NDUFAF2: variants seen among roughly 807,000 people sequenced by gnomAD.
NDUFAF2 encodes the protein NADH:ubiquinone oxidoreductase complex assembly factor 2, also known as NADH dehydrogenase [ubiquinone] 1 alpha subcomplex assembly factor 2.
In NDUFAF2, 13 loss-of-function variants were observed where a neutral mutation model predicts 22.8. The ratio of observed to expected loss-of-function variants is 0.57; its 90% CI spans 0.37 to 0.91. NDUFAF2 has a LOEUF of 0.91. Ranked by LOEUF, NDUFAF2 falls within the 40% of genes least tolerant of loss-of-function variation. The pLI is 0.01. For missense variants in NDUFAF2, 162 were observed against 195.2 expected, an observed-to-expected ratio of 0.83 and a Z score of 1.01; for synonymous variants, 53 against 64.2, an observed-to-expected ratio of 0.83 and a Z score of 0.84.
chr5:61,035,573 G>T (rs1470296251), intron 1 of NDUFAF2, among the ~76,000 whole-genome samples: 1 of 151,212 alleles, frequency 6.6e-6, no homozygotes, highest in East Asian at 2.0e-4. Context: ...TTTATACCTT[G>T]TTCTTTAAAC....
At chr5:60,963,049 C>G (rs547274944) in intron 1 of NDUFAF2, among the ~76,000 whole-genome samples, 1 of 151,678 alleles carries the variant, frequency 6.6e-6, no homozygotes, top group Non-Finnish European at 1.5e-5. Flanking sequence ...CCATGCCTGG[C>G]TAATTTTTGT....
intron 3 of NDUFAF2, among the ~76,000 whole-genome samples, chr5:61,151,254 TATC>T: frequency 6.6e-6 from 1 of 152,226 alleles, no homozygotes. Flanking sequence ...AGAAAGGTGA[TATC>T]ATACATTTAG....
At chr5:61,091,088 T>C (rs1161863719) in intron 2 of NDUFAF2, among the ~76,000 whole-genome samples, 2 of 152,236 alleles carry the variant, frequency 1.3e-5, no homozygotes, top group African/African-American at 4.8e-5. Context: ...AGTGTATCGC[T>C]GATGAACATT....
At chr5:61,129,311 T>C (rs1029701741) in intron 3 of NDUFAF2, among the ~76,000 whole-genome samples, 13 of 152,292 alleles carry the variant, frequency 8.5e-5, no homozygotes, top group Admixed American at 7.8e-4. Context: ...CAAAGAATTA[T>C]AAATCATGCT....
chr5:61,020,993 CT>C (rs35877702), intron 1 of NDUFAF2, among the ~76,000 whole-genome samples: 38,531 of 116,518 alleles, frequency 0.33, 5,187 homozygotes, highest in South Asian at 0.44. Context: ...TGCGTCCAGC[CT>C]TTTTTTTTTT....
intron 3 of NDUFAF2, chr5:61,115,330 G>A (rs1369775266): frequency 6.6e-6 from 1 of 152,374 alleles, no homozygotes; most frequent in African/African-American, 2.4e-5. Flanking sequence ...TTCTGGCCCA[G>A]GGCAGGTCCA....
At chr5:60,967,263 T>C (rs1750769559) in intron 1 of NDUFAF2, among the ~76,000 whole-genome samples, 1 of 152,016 alleles carries the variant, frequency 6.6e-6, no homozygotes, top group Admixed American at 6.6e-5. Flanking sequence ...TTTTTAAGAA[T>C]ATAACATCTT....
chr5:60,958,479 T>C (rs754304517), intron 1 of NDUFAF2, among the ~76,000 whole-genome samples: 17 of 152,218 alleles, frequency 1.1e-4, no homozygotes, highest in Non-Finnish European at 2.4e-4. Context: ...TAATGATAAC[T>C]ATTATTTATT....
chr5:60,978,455 A>T (rs1456942641), intron 1 of NDUFAF2, among the ~76,000 whole-genome samples: 1 of 152,110 alleles, frequency 6.6e-6, no homozygotes, highest in Non-Finnish European at 1.5e-5. Flanking sequence ...GAAACTTACA[A>T]CCATGGCGGA....
intron 1 of NDUFAF2, among the ~76,000 whole-genome samples, chr5:60,995,593 A>G (rs116034902): frequency 0.014 from 2,198 of 152,294 alleles, 22 homozygotes; most frequent in Non-Finnish European, 0.022. Context: ...AAGCATCCCT[A>G]TGGCCATGAA....
At chr5:61,016,595 G>A (rs1488774825) in intron 1 of NDUFAF2, among the ~76,000 whole-genome samples, 2 of 152,132 alleles carry the variant, frequency 1.3e-5, no homozygotes, top group Admixed American at 6.5e-5. Context: ...TGTCTTGACA[G>A]AGTATATTTC....
chr5:61,103,884 A>G (rs1001014837), intron 3 of NDUFAF2, among the ~76,000 whole-genome samples: 3 of 152,076 alleles, frequency 2.0e-5, no homozygotes, highest in African/African-American at 7.2e-5. Flanking sequence ...TATACTTCTG[A>G]GTACCCATAC....
At chr5:61,095,967 AC>A (rs980046237) in intron 2 of NDUFAF2, among the ~76,000 whole-genome samples, 1 of 152,100 alleles carries the variant, frequency 6.6e-6, no homozygotes, top group African/African-American at 2.4e-5. Context: ...AGAGCCACGT[AC>A]CCTAGCTGTT....
intron 1 of NDUFAF2, among the ~76,000 whole-genome samples, chr5:60,986,379 T>C (rs1404821970): frequency 1.3e-5 from 2 of 152,128 alleles, no homozygotes; most frequent in Non-Finnish European, 2.9e-5. Flanking sequence ...TCTTAGTAAA[T>C]AATGAAATTA....
At chr5:61,053,483 A>C (rs1752049432) in intron 1 of NDUFAF2, among the ~76,000 whole-genome samples, 1 of 152,180 alleles carries the variant, frequency 6.6e-6, no homozygotes, top group African/African-American at 2.4e-5. Flanking sequence ...CAGGTCTTAC[A>C]TGGTCTTTAT....
At chr5:61,058,511 A>T (rs2111710925) in intron 1 of NDUFAF2, among the ~76,000 whole-genome samples, 1 of 152,100 alleles carries the variant, frequency 6.6e-6, no homozygotes, top group East Asian at 1.9e-4. Context: ...ATGTCCTCTT[A>T]TTGTAAAATA....
intron 1 of NDUFAF2, among the ~76,000 whole-genome samples, chr5:61,021,480 T>C (rs1256031782): frequency 6.6e-6 from 1 of 152,190 alleles, no homozygotes; most frequent in Non-Finnish European, 1.5e-5. Context: ...AACTTCTTCA[T>C]CTCAAGGCCC....
intron 3 of NDUFAF2, among the ~76,000 whole-genome samples, chr5:61,126,674 G>C (rs550439875): frequency 4.7e-4 from 71 of 152,048 alleles, no homozygotes; most frequent in Non-Finnish European, 8.8e-4. Flanking sequence ...ATTTATTTGC[G>C]TATTGGCAAA....
chr5:61,056,297 CTTACTA>C (rs1422835156), intron 1 of NDUFAF2, among the ~76,000 whole-genome samples: 2 of 152,134 alleles, frequency 1.3e-5, no homozygotes, highest in African/African-American at 4.8e-5. Context: ...TGTGGCATAT[CTTACTA>C]TTAGTGACTG....
Sources: gnomAD v4.1 joint callset for allele counts (sites outside exome capture counted in the v4.1 genomes callset) on GRCh38, gnomAD v4.1.1 for gene constraint, MANE v1.5 for transcripts, NCBI Gene and HGNC (gene_info 2026-07-23, HGNC 2026-07-21) for gene names.